The following COL19A1 variants were observed in gnomAD, a reference collection of about 807,000 sequenced individuals.
COL19A1 encodes collagen type XIX alpha 1 chain, also known as collagen alpha-1(XIX) chain.
In COL19A1, 159 loss-of-function variants were observed where a neutral mutation model predicts 190.2. The ratio of observed to expected loss-of-function variants is 0.84; its 90% CI spans 0.73 to 0.95. COL19A1 has a LOEUF of 0.95. COL19A1 is among the 40% of genes least tolerant of loss of function. The probability of loss-of-function intolerance (pLI) is 0.00; values close to 1 mark genes in which losing one functional copy is unlikely to be tolerated. For synonymous variants in COL19A1, 509 were observed against 458.9 expected (o/e 1.11, Z -1.39); for missense variants, 1,418 against 1,431.9 (o/e 0.99, Z 0.16).
intron 15 of COL19A1, among the ~76,000 whole-genome samples, chr6:70,086,994 GTT>G (rs35133152): frequency 4.0e-5 from 6 of 151,658 alleles, no homozygotes; most frequent in Non-Finnish European, 5.9e-5. Flanking sequence ...TGTACCATGT[GTT>G]TTTTTTTAAA....
intron 31 of COL19A1, among the ~76,000 whole-genome samples, chr6:70,154,425 G>A (rs1326353739): frequency 6.6e-6 from 1 of 152,086 alleles, no homozygotes; most frequent in Non-Finnish European, 1.5e-5. Context: ...ACATACGTGT[G>A]CATGTGTCTT....
At chr6:69,867,963 C>G (rs1767580328) in intron 1 of COL19A1, among the ~76,000 whole-genome samples, 1 of 151,818 alleles carries the variant, frequency 6.6e-6, no homozygotes, top group Non-Finnish European at 1.5e-5. Context: ...CCCTCAATCC[C>G]CAATTCCAAG....
At chr6:69,947,092 C>T (rs546582898) in intron 9 of COL19A1, among the ~76,000 whole-genome samples, 3 of 151,868 alleles carry the variant, frequency 2.0e-5, no homozygotes, top group African/African-American at 4.8e-5. Context: ...ATCCCTGCTC[C>T]GGAACATTGG....
At chr6:70,016,556 T>C (rs1017267285) in intron 11 of COL19A1, among the ~76,000 whole-genome samples, 19 of 151,330 alleles carry the variant, frequency 1.3e-4, no homozygotes, top group African/African-American at 4.6e-4. Context: ...AGCTGTTAAA[T>C]TTTTTTAAAT....
chr6:69,900,444 T>C lies in COL19A1; in HGVS notation c.266+106T>C, dbSNP rs143689681. 9.5e-3 allele frequency: 5,356 copies of C among 564,910 alleles called. 38 individuals carry two copies. Among genetic ancestry groups the C allele is most frequent in the Non-Finnish European group, 0.011 (3,755 of 337,390 alleles). The allele number at this position is 564,910 out of a possible 1,614,324, so 35.0% of individuals were successfully genotyped here. ...AAAATAAAGTTTCTCAATAGCATCATCCTCACTGGAATGCAGTGGTAAACG... is the reference window on the plus strand; with the variant it reads ...AAAATAAAGTTTCTCAATAGCATCACCCTCACTGGAATGCAGTGGTAAACG... On this transcript the variant is annotated intron_variant, in intron 4 of 50. Coordinates refer to ENST00000620364, the MANE Select transcript of COL19A1 (RefSeq NM_001858.6).
chr6:70,194,978 C>CAT (rs1767098968), intron 48 of COL19A1, among the ~76,000 whole-genome samples: 1 of 150,890 alleles, frequency 6.6e-6, no homozygotes, highest in African/African-American at 2.4e-5. Context: ...TATATATATG[C>CAT]ATATATATAT....
intron 3 of COL19A1, 79 bp from the exon 4 acceptor site, chr6:69,900,160 T>C: frequency 2.3e-6 from 2 of 865,142 alleles, no homozygotes; most frequent in East Asian, 6.1e-5. Context: ...AATTAATAGA[T>C]AAGGGCAACA....
chr6:70,049,052 A>G (rs1780055750), intron 14 of COL19A1, among the ~76,000 whole-genome samples: 1 of 151,924 alleles, frequency 6.6e-6, no homozygotes, highest in Non-Finnish European at 1.5e-5. Flanking sequence ...AAATGTATAT[A>G]TTATAGCATA....
chr6:70,034,101 G>A (rs548533627), intron 12 of COL19A1, 144 bp from the exon 13 acceptor site: 26 of 633,066 alleles, frequency 4.1e-5, no homozygotes, highest in Admixed American at 2.0e-4. Flanking sequence ...TCATTTTAGT[G>A]CCAGTTGTCT....
intron 15 of COL19A1, among the ~76,000 whole-genome samples, chr6:70,075,349 C>T (rs1242847180): frequency 1.3e-5 from 2 of 152,164 alleles, no homozygotes; most frequent in African/African-American, 4.8e-5. Flanking sequence ...TGCAGAGCTC[C>T]ATGGTGGACT....
Position 69,921,450 on chromosome 6 carries a change from A to AT in COL19A1, c.267-6458dup, listed in dbSNP as rs368825990. Among the ~76,000 whole-genome samples the AT allele has an allele frequency of 3.8e-3, 98 of 26,054 alleles. 5 individuals are homozygous for AT. Among genetic ancestry groups the AT allele is most frequent in the African/African-American group, 9.6e-3 (77 of 8,036 alleles). The allele number at this position is 26,054 out of a possible 152,430, so 17.1% of individuals were successfully genotyped here. On this transcript the variant is annotated intron_variant, in intron 4 of 50. Coordinates refer to ENST00000620364, the MANE Select transcript of COL19A1 (RefSeq NM_001858.6). ...ATCATATATATCATATATATCATAT[A>AT]TCATATATATCATATATATTCATAT...
At position 70,208,632 on chromosome 6, in the gene COL19A1, G is replaced by A. The variant is rs1289818378; in HGVS notation, c.*1358G>A. 1 of 152,686 alleles carries A rather than the reference G, an allele frequency of 6.5e-6. No individual in the cohort carries two copies. The highest frequency in any genetic ancestry group is 1.5e-5 in the Non-Finnish European group (1 of 68,066). The allele number at this position is 152,686 out of a possible 1,614,324, so 9.5% of individuals were successfully genotyped here. On this transcript the variant is annotated 3_prime_UTR_variant, in exon 51 of 51. Coordinates refer to ENST00000620364, the MANE Select transcript of COL19A1 (RefSeq NM_001858.6). ...AGAAATCTAGATGGTGGGTCCCACAGATGTGAGAACATGCTGCAAGAGCCT... is the reference window on the plus strand; with the variant it reads ...AGAAATCTAGATGGTGGGTCCCACAAATGTGAGAACATGCTGCAAGAGCCT...
At chr6:69,916,002 TCTCAGCTCACTGCAAG>T (rs1456174723) in intron 4 of COL19A1, among the ~76,000 whole-genome samples, 1 of 149,296 alleles carries the variant, frequency 6.7e-6, no homozygotes, top group Non-Finnish European at 1.5e-5. Context: ...AGTGGCGCGA[TCTCAGCTCACTGCAAG>T]CTCTGCCTCC....
chr6:70,198,343 T>G (rs1767339150), intron 48 of COL19A1, among the ~76,000 whole-genome samples: 1 of 152,252 alleles, frequency 6.6e-6, no homozygotes, highest in Admixed American at 6.5e-5. Flanking sequence ...TATTTATTTC[T>G]TACTACACAA....
intron 14 of COL19A1, among the ~76,000 whole-genome samples, chr6:70,057,628 T>A (rs183395601): frequency 7.4e-4 from 112 of 152,206 alleles, no homozygotes; most frequent in African/African-American, 2.6e-3. Context: ...AAGTACTTAA[T>A]CCTAATCAAT....
intron 11 of COL19A1, among the ~76,000 whole-genome samples, chr6:69,989,433 T>C (rs1776488121): frequency 1.3e-5 from 2 of 152,156 alleles, no homozygotes; most frequent in Non-Finnish European, 2.9e-5. Context: ...TTTCCCTTGT[T>C]CTAGAATAAC....
chr6:69,938,504 T>A (rs1582463231), intron 9 of COL19A1, among the ~76,000 whole-genome samples: 1 of 151,040 alleles, frequency 6.6e-6, no homozygotes. Context: ...CTTTTTTTTT[T>A]AAACGGCCAA....
intron 14 of COL19A1, among the ~76,000 whole-genome samples, chr6:70,061,534 A>G (rs984120357): frequency 3.2e-4 from 49 of 152,104 alleles, no homozygotes; most frequent in African/African-American, 1.2e-3. Context: ...AGATTATCAT[A>G]AATATTTTTT....
intron 44 of COL19A1, among the ~76,000 whole-genome samples, chr6:70,182,525 CT>C (rs1448619288): frequency 6.6e-6 from 1 of 152,122 alleles, no homozygotes; most frequent in African/African-American, 2.4e-5. Flanking sequence ...AGTGGAGTCA[CT>C]GTGGATAGGA....
Sources: gnomAD v4.1 joint callset for allele counts (sites outside exome capture counted in the v4.1 genomes callset) on GRCh38, gnomAD v4.1.1 for gene constraint, MANE v1.5 for transcripts, NCBI Gene and HGNC (gene_info 2026-07-23, HGNC 2026-07-21) for gene names.